CRYL1: variants seen among roughly 807,000 people sequenced by gnomAD.
CRYL1 encodes the protein lambda-crystallin homolog.
A neutral mutation model predicts 36.6 loss-of-function variants in CRYL1; 29 were observed. The observed-to-expected ratio is 0.79, with a 90% confidence interval of 0.59 to 1.08. The LOEUF is 1.08. Among genes scored for constraint, CRYL1 ranks in the 50% least tolerant of loss-of-function variants. The pLI is 0.00. For missense variants in CRYL1, 411 were observed against 407.9 expected, an observed-to-expected ratio of 1.01 and a Z score of -0.06; for synonymous variants, 152 against 151.5, an observed-to-expected ratio of 1.00 and a Z score of -0.02.
At chr13:20,470,852 G>C (rs2033037651) in intron 3 of CRYL1, among the ~76,000 whole-genome samples, 1 of 147,078 alleles carries the variant, frequency 6.8e-6, no homozygotes, top group Admixed American at 6.9e-5. Context: ...AGAGGTTGCA[G>C]TGAGCTGAGA....
At chr13:20,512,853 AG>A (rs901096841) in intron 1 of CRYL1, among the ~76,000 whole-genome samples, 12 of 152,180 alleles carry the variant, frequency 7.9e-5, no homozygotes, top group African/African-American at 2.9e-4. Flanking sequence ...TACAGTTAAC[AG>A]AAAAAGTAAG....
At position 20,435,306 on chromosome 13, in the gene CRYL1, G is replaced by A. The variant is rs1053181027; in HGVS notation, c.439-3010C>T. Reference sequence around the variant, plus strand: ...CTCCAACGAAAAATCTTGAAGGGCTGCCCAGCGCCCACTGTACAAGGCACA... The same window carrying A: ...CTCCAACGAAAAATCTTGAAGGGCTACCCAGCGCCCACTGTACAAGGCACA... On this transcript the variant is annotated intron_variant, in intron 4 of 7. Transcript: ENST00000298248. The surrounding 1 kb of genome is among the most constrained non-coding windows in gnomAD (Gnocchi z 4.0). 2.6e-5 allele frequency among the ~76,000 whole-genome samples: 4 copies of A among 152,196 alleles called. No individual in the cohort carries two copies. The highest frequency in any genetic ancestry group is 9.7e-5 in the African/African-American group (4 of 41,444).
chr13:20,427,508 C>T (rs896314742), intron 5 of CRYL1, among the ~76,000 whole-genome samples: 1 of 152,084 alleles, frequency 6.6e-6, no homozygotes, highest in African/African-American at 2.4e-5. Context: ...AAAGAAAATG[C>T]TTGTCATTCC....
At chr13:20,514,703 T>C (rs889317677) in intron 1 of CRYL1, among the ~76,000 whole-genome samples, 3 of 152,194 alleles carry the variant, frequency 2.0e-5, no homozygotes, top group Admixed American at 1.3e-4. Flanking sequence ...ATTGGTTCAT[T>C]AATTGTTACA....
intron 3 of CRYL1, among the ~76,000 whole-genome samples, chr13:20,460,292 C>A (rs540039981): frequency 7.2e-4 from 110 of 152,192 alleles, no homozygotes; most frequent in African/African-American, 2.5e-3. Context: ...AATGCTGCCT[C>A]CATATATAGA....
chr13:20,478,109 A>G (rs2033202683), intron 3 of CRYL1, among the ~76,000 whole-genome samples: 1 of 151,722 alleles, frequency 6.6e-6, no homozygotes, highest in African/African-American at 2.4e-5. Flanking sequence ...TCTAGAAAAA[A>G]TGACTAGAAG....
chr13:20,494,086 G>A lies in CRYL1; in HGVS notation c.150-4590C>T, dbSNP rs906689614. Among the ~76,000 whole-genome samples the A allele has an allele frequency of 4.6e-5, 7 of 152,148 alleles. No individual in the cohort carries two copies. In the South Asian group the frequency reaches 8.3e-4, roughly 18 times the overall value. ...TGAATTTTTCAGTTTTTAACTATAC[G>A]ATTTATATAAGTTTGACCTGCAGCA... On this transcript the variant is annotated intron_variant, in intron 2 of 7. Transcript: ENST00000298248.
intron 3 of CRYL1, among the ~76,000 whole-genome samples, chr13:20,456,479 CAA>C (rs71074301): frequency 0.039 from 3,892 of 98,728 alleles, 87 homozygotes; most frequent in Non-Finnish European, 0.053. Context: ...CGTCTCAAAA[CAA>C]AAAAAAAAAA....
chr13:20,427,820 GGAA>G (rs1453344817), intron 5 of CRYL1, among the ~76,000 whole-genome samples: 2 of 150,116 alleles, frequency 1.3e-5, no homozygotes, highest in Middle Eastern at 3.5e-3. Context: ...ACCAATTTCA[GGAA>G]GGAAACCAGG....
rs142029970 is a variant in CRYL1, at chr13:20,423,880, C to T, written c.633+8222G>A. 7.3e-3 allele frequency among the ~76,000 whole-genome samples: 1,103 copies of T among 150,476 alleles called. 7 individuals are homozygous for T. The highest frequency in any genetic ancestry group is 0.01 in the Admixed American group (153 of 15,106). On this transcript the variant is annotated intron_variant, in intron 5 of 7. Transcript: ENST00000298248. ...CTGTCTCCCAGGTTCAAGTGATTCT[C>T]CTGCCTCAGCCTCCCAAGTAGCTGG...
intron 3 of CRYL1, among the ~76,000 whole-genome samples, chr13:20,449,236 C>T (rs530884695): frequency 1.3e-5 from 2 of 152,194 alleles, no homozygotes; most frequent in East Asian, 1.9e-4. Context: ...TACCAAAATA[C>T]TCAAAGCAAA....
rs9578283 is a variant in CRYL1, at chr13:20,460,814, T to G, written c.277-21060A>C. Among the ~76,000 whole-genome samples the G allele has an allele frequency of 2.4e-3, 371 of 152,190 alleles. 1 individual carries two copies. The highest frequency in any genetic ancestry group is 3.5e-3 in the Non-Finnish European group (239 of 67,996). ...TGCTGGGATTACAGACGTGAGCCAC[T>G]GCGCCCCGCCGGCAGCTGCTGTTTT... On this transcript the variant is annotated intron_variant, in intron 3 of 7. Transcript: ENST00000298248.
At chr13:20,414,000 C>A (rs1234796997) in intron 5 of CRYL1, among the ~76,000 whole-genome samples, 2 of 151,874 alleles carry the variant, frequency 1.3e-5, no homozygotes, top group African/African-American at 2.4e-5. Flanking sequence ...ATGGTGAAAC[C>A]CTGTCTCTAC....
At chr13:20,418,066 G>T (rs572560275) in intron 5 of CRYL1, among the ~76,000 whole-genome samples, 157 of 152,292 alleles carry the variant, frequency 1.0e-3, no homozygotes, top group African/African-American at 3.6e-3. Context: ...ACAGTCTGCA[G>T]GTGGAATTTC....
chr13:20,479,217 A>G (rs2033227096), intron 3 of CRYL1, among the ~76,000 whole-genome samples: 1 of 152,214 alleles, frequency 6.6e-6, no homozygotes, highest in Non-Finnish European at 1.5e-5. Flanking sequence ...AAACTGGGAC[A>G]ATGTTTTCAA....
intron 6 of CRYL1, among the ~76,000 whole-genome samples, chr13:20,405,102 T>G (rs924053557): frequency 5.3e-5 from 8 of 152,138 alleles, no homozygotes; most frequent in African/African-American, 1.9e-4. Context: ...AAACCCCGTC[T>G]CTACTAAAAA....
intron 7 of CRYL1, 88 bp downstream of exon 7, chr13:20,404,547 A>C: frequency 1.2e-6 from 1 of 813,076 alleles, no homozygotes; most frequent in Non-Finnish European, 2.1e-6. Flanking sequence ...CTGCAGAGGC[A>C]GGCCCACCCG....
intron 3 of CRYL1, among the ~76,000 whole-genome samples, chr13:20,473,694 C>T (rs1322091685): frequency 2.6e-5 from 4 of 152,228 alleles, no homozygotes; most frequent in South Asian, 2.1e-4. Flanking sequence ...GGGCTAGGTA[C>T]TTGCAACACA....
At chr13:20,426,214 T>TCATTCTAATATGAACTGC (rs1185664894) in intron 5 of CRYL1, among the ~76,000 whole-genome samples, 4 of 151,942 alleles carry the variant, frequency 2.6e-5, no homozygotes, top group Non-Finnish European at 5.9e-5. Flanking sequence ...TCTGTGCAGT[T>TCATTCTAATATGAACTGC]ACAACCTATT....
Sources: allele counts gnomAD v4.1 joint callset (sites outside exome capture counted in the v4.1 genomes callset), GRCh38; gene constraint gnomAD v4.1.1; non-coding constraint Gnocchi (gnomAD v3.1); transcripts MANE v1.5; gene names NCBI Gene and HGNC (gene_info 2026-07-23, HGNC 2026-07-21).